SLC24A3: variants seen among roughly 807,000 people sequenced by gnomAD.
SLC24A3 encodes sodium/potassium/calcium exchanger 3.
Under a neutral mutation model 75.8 loss-of-function variants are expected in SLC24A3, and 28 were observed. The observed-to-expected ratio is 0.37, with a 90% CI of 0.27 to 0.51. The LOEUF (loss-of-function observed/expected upper bound fraction) is 0.51. Among genes scored for constraint, SLC24A3 ranks in the 20% least tolerant of loss-of-function variants. The pLI is 0.94. For synonymous variants in SLC24A3, 372 were observed against 334.1 expected (o/e 1.11, Z -1.24); for missense variants, 663 against 847.8 (o/e 0.78, Z 2.71).
intron 2 of SLC24A3, among the ~76,000 whole-genome samples, chr20:19,370,869 A>G (rs1445957051): frequency 6.6e-6 from 1 of 151,880 alleles, no homozygotes; most frequent in Non-Finnish European, 1.5e-5. Context: ...CTCTGGTTAG[A>G]CCGGCTCTGG....
chr20:19,602,057 C>A (rs1219044646), intron 6 of SLC24A3, among the ~76,000 whole-genome samples: 1 of 151,970 alleles, frequency 6.6e-6, no homozygotes, highest in Non-Finnish European at 1.5e-5. Flanking sequence ...GCCTGTAACC[C>A]CAGCAACTTG....
At chr20:19,578,764 G>A (rs2031177703) in intron 3 of SLC24A3, among the ~76,000 whole-genome samples, 1 of 152,138 alleles carries the variant, frequency 6.6e-6, no homozygotes. Flanking sequence ...AAGTAACAGA[G>A]ACATTCTAAA....
chr20:19,446,537 G>A (rs537982618), intron 2 of SLC24A3, among the ~76,000 whole-genome samples: 7 of 152,180 alleles, frequency 4.6e-5, no homozygotes, highest in African/African-American at 7.2e-5. Flanking sequence ...AAAGGATGGC[G>A]TTACTCTTAT....
chr20:19,679,267 G>A (rs2032577333), intron 9 of SLC24A3, among the ~76,000 whole-genome samples: 1 of 152,200 alleles, frequency 6.6e-6, no homozygotes, highest in African/African-American at 2.4e-5. Flanking sequence ...TCCGGAGGCC[G>A]AGGCTGGCGG....
At chr20:19,236,425 G>A (rs1381283789) in intron 1 of SLC24A3, among the ~76,000 whole-genome samples, 4 of 152,110 alleles carry the variant, frequency 2.6e-5, no homozygotes, top group African/African-American at 9.7e-5. Flanking sequence ...ATCATAGTAT[G>A]CTTCTATCCT....
chr20:19,283,715 G>T (rs1983726888), intron 2 of SLC24A3, among the ~76,000 whole-genome samples: 1 of 152,242 alleles, frequency 6.6e-6, no homozygotes, highest in South Asian at 2.1e-4. Context: ...CAGAGTCTCT[G>T]TGTGCTTCTC....
intron 2 of SLC24A3, among the ~76,000 whole-genome samples, chr20:19,488,307 A>G (rs1364456097): frequency 6.6e-6 from 1 of 152,216 alleles, no homozygotes; most frequent in Non-Finnish European, 1.5e-5. Context: ...TGCGCACATC[A>G]GGATTGCACC....
At chr20:19,673,118 T>G (rs1008265988) in intron 8 of SLC24A3, among the ~76,000 whole-genome samples, 2 of 151,664 alleles carry the variant, frequency 1.3e-5, no homozygotes, top group African/African-American at 4.8e-5. Context: ...GACTGGTACC[T>G]TCCCTGCCCA....
intron 6 of SLC24A3, among the ~76,000 whole-genome samples, chr20:19,604,318 C>T (rs1166356973): frequency 6.6e-6 from 1 of 152,074 alleles, no homozygotes; most frequent in Non-Finnish European, 1.5e-5. Context: ...GGGGCTGAGA[C>T]CCTAGTGGTA....
chr20:19,342,870 A>G (rs1426235980), intron 2 of SLC24A3, among the ~76,000 whole-genome samples: 1 of 152,082 alleles, frequency 6.6e-6, no homozygotes, highest in Non-Finnish European at 1.5e-5. Context: ...GGAGATTGAG[A>G]CCATCCTGGC....
rs556705448 is a variant in SLC24A3 at position 19,450,313 on chromosome 20, G to T, written c.272-65175G>T. Among the ~76,000 whole-genome samples, 4 of 152,322 alleles carry T rather than the reference G, an allele frequency of 2.6e-5. No homozygotes were observed. In the East Asian group the frequency reaches 5.8e-4, roughly 22 times the overall value. Reference sequence around the variant, plus strand: ...GACAGCTCTCATGTAGGATGGGGTTGCATCCCTGGCACTTGTTACACTTTC... The same window carrying T: ...GACAGCTCTCATGTAGGATGGGGTTTCATCCCTGGCACTTGTTACACTTTC... On this transcript the variant is annotated intron_variant, in intron 2 of 16. Coordinates refer to ENST00000328041, the MANE Select transcript of SLC24A3 (RefSeq NM_020689.4).
intron 6 of SLC24A3, among the ~76,000 whole-genome samples, chr20:19,593,344 T>C (rs1451514577): frequency 6.6e-6 from 1 of 152,202 alleles, no homozygotes; most frequent in Non-Finnish European, 1.5e-5. Flanking sequence ...AGACTGGGCA[T>C]CCAGGCCCCT....
At chr20:19,325,821 G>GAGAGAGAT (rs1984844377) in intron 2 of SLC24A3, among the ~76,000 whole-genome samples, 1 of 111,372 alleles carries the variant, frequency 9.0e-6, no homozygotes, top group Non-Finnish European at 1.7e-5. Context: ...GAGAGAGAGA[G>GAGAGAGAT]AGAGAGAGAG....
intron 1 of SLC24A3, among the ~76,000 whole-genome samples, chr20:19,276,577 A>G (rs1236806375): frequency 6.6e-6 from 1 of 152,190 alleles, no homozygotes; most frequent in Non-Finnish European, 1.5e-5. Flanking sequence ...AAACATATCT[A>G]AATACAGCAA....
At chr20:19,278,031 A>C (rs558452624) in intron 1 of SLC24A3, among the ~76,000 whole-genome samples, 4 of 152,132 alleles carry the variant, frequency 2.6e-5, no homozygotes, top group Non-Finnish European at 5.9e-5. Flanking sequence ...TGCTCGACCG[A>C]TATTACTTGG....
intron 1 of SLC24A3, among the ~76,000 whole-genome samples, chr20:19,247,824 T>C (rs1483589229): frequency 6.6e-6 from 1 of 152,226 alleles, no homozygotes; most frequent in East Asian, 1.9e-4. Flanking sequence ...AAGTTACATA[T>C]GTGATTTGCT....
At chr20:19,600,493 G>GCTACTCTACAA (rs2031515084) in intron 6 of SLC24A3, among the ~76,000 whole-genome samples, 1 of 152,128 alleles carries the variant, frequency 6.6e-6, no homozygotes, top group South Asian at 2.1e-4. Flanking sequence ...AAATAAAAAT[G>GCTACTCTACAA]GATTTTAATG....
chr20:19,284,886 A>G (rs1467040056), intron 2 of SLC24A3, among the ~76,000 whole-genome samples: 5 of 152,186 alleles, frequency 3.3e-5, no homozygotes, highest in African/African-American at 1.2e-4. Context: ...CTTCCCTTGC[A>G]CACATCCATT....
intron 1 of SLC24A3, among the ~76,000 whole-genome samples, chr20:19,237,896 G>A (rs1032089935): frequency 2.0e-5 from 3 of 152,142 alleles, no homozygotes; most frequent in African/African-American, 7.2e-5. Flanking sequence ...ACTTTCAGTC[G>A]ATTTTACGGG....
Sources: allele counts gnomAD v4.1 joint callset (sites outside exome capture counted in the v4.1 genomes callset), GRCh38; gene constraint gnomAD v4.1.1; transcripts MANE v1.5; gene names NCBI Gene and HGNC (gene_info 2026-07-23, HGNC 2026-07-21).